CLMN: variants seen among roughly 807,000 people sequenced by gnomAD.
CLMN encodes calmin (calponin-like, transmembrane).
CLMN carries 57 observed loss-of-function variants against 92.7 expected under a neutral mutation model. The observed-to-expected ratio is 0.61, with a 90% CI of 0.50 to 0.77. The LOEUF is 0.77. Ranked by LOEUF, CLMN falls within the 30% of genes least tolerant of loss-of-function variation. The pLI, the probability that CLMN is intolerant of heterozygous loss-of-function variation, is 0.00. For missense variants in CLMN, 1,158 were observed against 1,237.5 expected (o/e 0.94, Z 0.96); for synonymous variants, 466 against 470.6 (o/e 0.99, Z 0.13).
intron 1 of CLMN, among the ~76,000 whole-genome samples, chr14:95,262,914 G>T (rs959635583): frequency 9.9e-5 from 15 of 152,148 alleles, no homozygotes; most frequent in Admixed American, 2.6e-4. Context: ...CAAGTCATGT[G>T]TCCAAGGCCA....
intron 9 of CLMN, among the ~76,000 whole-genome samples, chr14:95,197,494 A>C (rs1340158553): frequency 6.6e-6 from 1 of 152,198 alleles, no homozygotes; most frequent in Non-Finnish European, 1.5e-5. Context: ...CAATTAAACA[A>C]AAGAATAAAT....
In CLMN at chr14:95,193,929, A is replaced by T. The variant is rs528222582; in HGVS notation, c.2770-10T>A. 3.7e-6 allele frequency: 6 copies of T among 1,612,328 alleles called. No homozygotes were observed. The highest frequency in any genetic ancestry group is 5.1e-6 in the Non-Finnish European group (6 of 1,179,590). On this transcript the variant is annotated splice_polypyrimidine_tract_variant and intron_variant, in intron 11 of 12. Transcript: ENST00000298912. Reference sequence around the variant, plus strand: ...CATAGCTAAAATGATCCTACAGTGAAATTTATAAACAAAAGCCCCCGCAAC... The same window carrying T: ...CATAGCTAAAATGATCCTACAGTGATATTTATAAACAAAAGCCCCCGCAAC...
intron 1 of CLMN, among the ~76,000 whole-genome samples, chr14:95,254,581 T>C (rs8014559): frequency 0.24 from 36,632 of 152,072 alleles, 5,932 homozygotes; most frequent in African/African-American, 0.46. Context: ...ACCCCATCCA[T>C]ATCAAATCCT....
intron 1 of CLMN, among the ~76,000 whole-genome samples, chr14:95,286,173 G>A (rs1224173102): frequency 6.6e-6 from 1 of 152,134 alleles, no homozygotes; most frequent in African/African-American, 2.4e-5. Context: ...ATCTTTTAAA[G>A]AAAAATACTA....
chr14:95,197,884 A>G (rs896217290), intron 9 of CLMN, among the ~76,000 whole-genome samples: 2 of 152,156 alleles, frequency 1.3e-5, no homozygotes, highest in African/African-American at 2.4e-5. Flanking sequence ...GCGCTCAGCA[A>G]TCTGAAATGA....
At chr14:95,208,935 A>T (rs769999752) in intron 8 of CLMN, among the ~76,000 whole-genome samples, 1 of 152,156 alleles carries the variant, frequency 6.6e-6, no homozygotes, top group Non-Finnish European at 1.5e-5. Flanking sequence ...TGTCTGGATG[A>T]TCAGAGATCA....
At chr14:95,283,523 T>C (rs192336913) in intron 1 of CLMN, among the ~76,000 whole-genome samples, 17 of 152,296 alleles carry the variant, frequency 1.1e-4, no homozygotes, top group African/African-American at 3.4e-4. Flanking sequence ...GACAAGACAA[T>C]GTAGGAAAGT....
chr14:95,221,438 C>T (rs1050672020), intron 4 of CLMN, among the ~76,000 whole-genome samples: 2 of 152,194 alleles, frequency 1.3e-5, no homozygotes, highest in Non-Finnish European at 2.9e-5. Flanking sequence ...AGCTGCTCTG[C>T]CTTTCTACGA....
intron 1 of CLMN, among the ~76,000 whole-genome samples, chr14:95,273,397 G>A (rs1899791119): frequency 6.6e-6 from 1 of 152,184 alleles, no homozygotes; most frequent in Non-Finnish European, 1.5e-5. Flanking sequence ...CTACCCTGGA[G>A]GATTCCTCAC....
chr14:95,193,305 ACAG>A (rs1364823703), intron 12 of CLMN: 4 of 1,516,616 alleles, frequency 2.6e-6, no homozygotes, highest in Non-Finnish European at 2.7e-6. Context: ...CAGTTCTCCG[ACAG>A]CAAGAAATAC....
intron 1 of CLMN, among the ~76,000 whole-genome samples, chr14:95,293,867 C>T (rs751595781): frequency 2.6e-5 from 4 of 152,172 alleles, no homozygotes; most frequent in African/African-American, 7.2e-5. Flanking sequence ...TGTTGTTCTA[C>T]GTGGTACGGA....
chr14:95,290,241 C>T (rs979362516), intron 1 of CLMN, among the ~76,000 whole-genome samples: 2 of 152,210 alleles, frequency 1.3e-5, no homozygotes, highest in East Asian at 3.8e-4. Flanking sequence ...ACTCTTCTTT[C>T]TTGGGTGGTG....
chr14:95,285,724 A>G (rs1357734627), intron 1 of CLMN, among the ~76,000 whole-genome samples: 6 of 152,216 alleles, frequency 3.9e-5, no homozygotes, highest in African/African-American at 1.4e-4. Context: ...ATATGTGGCT[A>G]AGATATATGC....
intron 8 of CLMN, among the ~76,000 whole-genome samples, chr14:95,208,180 T>C (rs1431879865): frequency 6.6e-6 from 1 of 152,134 alleles, no homozygotes; most frequent in Non-Finnish European, 1.5e-5. Flanking sequence ...CCAAGTTACG[T>C]TTTTGCTCAC....
chr14:95,225,226 T>C (rs1308790939), intron 2 of CLMN, among the ~76,000 whole-genome samples: 1 of 151,288 alleles, frequency 6.6e-6, no homozygotes, highest in Non-Finnish European at 1.5e-5. Context: ...TAAATCAACA[T>C]TGCACCTCAC....
chr14:95,224,672 T>C (rs149045953), intron 2 of CLMN, among the ~76,000 whole-genome samples: 3 of 152,344 alleles, frequency 2.0e-5, no homozygotes, highest in East Asian at 3.9e-4. Flanking sequence ...GGTATTGTCC[T>C]GTTTCCTGTA....
intron 1 of CLMN, among the ~76,000 whole-genome samples, chr14:95,297,657 T>C (rs1018315110): frequency 5.9e-5 from 9 of 152,206 alleles, no homozygotes; most frequent in African/African-American, 2.2e-4. Context: ...TAGAAGGGTT[T>C]TGAGATTCGT....
chr14:95,291,367 C>A (rs749528888), intron 1 of CLMN, among the ~76,000 whole-genome samples: 1 of 152,310 alleles, frequency 6.6e-6, no homozygotes, highest in East Asian at 1.9e-4. Flanking sequence ...CCCTGCAGCT[C>A]CTGCGTCTCG....
At chr14:95,215,498 A>G in intron 5 of CLMN, 143 bp downstream of exon 5, 1 of 670,854 alleles carries the variant, frequency 1.5e-6, no homozygotes, top group Non-Finnish European at 2.6e-6. Flanking sequence ...AGATTCTTCT[A>G]GTGCTTTTTC....
Sources: gnomAD v4.1 joint callset for allele counts (sites outside exome capture counted in the v4.1 genomes callset) on GRCh38, gnomAD v4.1.1 for gene constraint, MANE v1.5 for transcripts, NCBI Gene and HGNC (gene_info 2026-07-23, HGNC 2026-07-21) for gene names.